The following DYNC1I1 variants were observed in gnomAD, a reference collection of about 807,000 sequenced individuals.
DYNC1I1 encodes cytoplasmic dynein 1 intermediate chain 1.
In DYNC1I1, 43 loss-of-function variants were observed where a neutral mutation model predicts 86.6. The ratio of observed to expected loss-of-function variants is 0.50; its 90% CI spans 0.39 to 0.64. The LOEUF (loss-of-function observed/expected upper bound fraction) is 0.64, where lower values mean the gene tolerates loss of function less well. Ranked by LOEUF, DYNC1I1 falls within the 30% of genes least tolerant of loss-of-function variation. The pLI, the probability that DYNC1I1 is intolerant of heterozygous loss-of-function variation, is 0.00. For missense variants in DYNC1I1, 604 were observed against 788.8 expected, an observed-to-expected ratio of 0.77 and a Z score of 2.81; for synonymous variants, 262 against 283.7, an observed-to-expected ratio of 0.92 and a Z score of 0.77.
rs1310533204 is a variant in DYNC1I1, at chr7:95,883,367, A to G, written c.490+13369A>G. 2.0e-5 allele frequency among the ~76,000 whole-genome samples: 3 copies of G among 152,118 alleles called. No homozygotes were observed. In the East Asian group the frequency reaches 5.8e-4, roughly 29 times the overall value. ...ATCTACTGAGAGACACAGCATTTTA[A>G]ATGAATTTAATTAAAACGGCATGTG... On this transcript the variant is annotated intron_variant, in intron 6 of 16. Transcript: ENST00000447467.
At chr7:95,892,705 C>A (rs1240403268) in intron 6 of DYNC1I1, among the ~76,000 whole-genome samples, 2 of 152,162 alleles carry the variant, frequency 1.3e-5, no homozygotes, top group Non-Finnish European at 2.9e-5. Flanking sequence ...CCTTGGCCTT[C>A]CAAAGTGCTG....
intron 11 of DYNC1I1, among the ~76,000 whole-genome samples, chr7:96,029,926 AGAAAAAGAAAG>A (rs1047432147): frequency 2.0e-5 from 3 of 151,698 alleles, no homozygotes; most frequent in Non-Finnish European, 2.9e-5. Context: ...AAAAAAAGAA[AGAAAAAGAAAG>A]GAAAAAGAAA....
intron 6 of DYNC1I1, among the ~76,000 whole-genome samples, chr7:95,972,329 C>T (rs778551411): frequency 5.9e-5 from 9 of 152,090 alleles, no homozygotes; most frequent in Admixed American, 6.6e-5. Flanking sequence ...GGATGTTGGG[C>T]GTCACTGCTG....
At chr7:95,832,723 T>A (rs1316067968) in intron 5 of DYNC1I1, among the ~76,000 whole-genome samples, 1 of 152,024 alleles carries the variant, frequency 6.6e-6, no homozygotes, top group Non-Finnish European at 1.5e-5. Flanking sequence ...TGGCCAGTGA[T>A]GATGAGCATT....
At chr7:95,925,195 G>A (rs888422719) in intron 6 of DYNC1I1, among the ~76,000 whole-genome samples, 3 of 152,148 alleles carry the variant, frequency 2.0e-5, no homozygotes, top group African/African-American at 7.2e-5. Flanking sequence ...GTGGGGACAA[G>A]ACTTGCCAAT....
At chr7:95,839,623 C>T (rs1789223398) in intron 5 of DYNC1I1, among the ~76,000 whole-genome samples, 1 of 152,112 alleles carries the variant, frequency 6.6e-6, no homozygotes, top group South Asian at 2.1e-4. Context: ...ACAATGTAGT[C>T]TTCTGTTTTT....
intron 4 of DYNC1I1, among the ~76,000 whole-genome samples, chr7:95,823,996 T>G (rs1255262281): frequency 4.6e-5 from 2 of 43,638 alleles, no homozygotes; most frequent in African/African-American, 1.8e-4. Flanking sequence ...GTTTTTTGTT[T>G]TTTTTTTTTT....
intron 14 of DYNC1I1, among the ~76,000 whole-genome samples, chr7:96,042,884 G>T (rs192553377): frequency 6.6e-6 from 1 of 152,042 alleles, no homozygotes; most frequent in Non-Finnish European, 1.5e-5. Context: ...AAAATGGGCC[G>T]GGGACTGTGG....
chr7:95,792,832 G>A (rs1284238166), intron 1 of DYNC1I1, among the ~76,000 whole-genome samples: 1 of 152,042 alleles, frequency 6.6e-6, no homozygotes, highest in East Asian at 1.9e-4. Context: ...ATGAATAGGG[G>A]GCATCAGGTT....
chr7:95,884,547 G>T (rs1790540799), intron 6 of DYNC1I1, among the ~76,000 whole-genome samples: 1 of 152,038 alleles, frequency 6.6e-6, no homozygotes, highest in African/African-American at 2.4e-5. Flanking sequence ...AATAAAGGAA[G>T]GTCATGAGAA....
chr7:95,853,881 T>A (rs1296775994), intron 5 of DYNC1I1, among the ~76,000 whole-genome samples: 1 of 152,216 alleles, frequency 6.6e-6, no homozygotes, highest in African/African-American at 2.4e-5. Flanking sequence ...GTGGAATTGA[T>A]CCCTTTATCC....
chr7:95,960,797 T>G (rs1279015066), intron 6 of DYNC1I1, among the ~76,000 whole-genome samples: 1 of 152,232 alleles, frequency 6.6e-6, no homozygotes, highest in Non-Finnish European at 1.5e-5. Context: ...GCCAAGCCTG[T>G]GGGACCAGAG....
At chr7:95,962,286 C>T (rs970200275) in intron 6 of DYNC1I1, among the ~76,000 whole-genome samples, 1 of 152,190 alleles carries the variant, frequency 6.6e-6, no homozygotes, top group African/African-American at 2.4e-5. Flanking sequence ...CTAGTCTCAA[C>T]AGGTCTAGGA....
chr7:95,870,035 C>T (rs745998715), intron 6 of DYNC1I1, 37 bp downstream of exon 6: 9 of 1,550,076 alleles, frequency 5.8e-6, no homozygotes, highest in Non-Finnish European at 7.9e-6. Flanking sequence ...CATATTATCT[C>T]TGGAGAAATC....
chr7:96,098,376 A>G lies in DYNC1I1; in HGVS notation c.*783A>G, dbSNP rs376323291. The G allele has an allele frequency of 2.9e-5, 29 of 985,498 alleles. No homozygotes were observed. Among genetic ancestry groups the G allele is most frequent in the Non-Finnish European group, 3.1e-5 (26 of 829,948 alleles). The allele number at this position is 985,498 out of a possible 1,614,324, so 61.0% of individuals were successfully genotyped here. ...AGCTAACACAGTCTGACAAAAGTCT[A>G]TGGTTCCTAAATATGACATCAGTGT... On this transcript the variant is annotated 3_prime_UTR_variant, in exon 17 of 17. Coordinates refer to ENST00000447467, the MANE Select transcript of DYNC1I1 (RefSeq NM_001135556.2).
At chr7:95,948,167 G>T (rs772788534) in intron 6 of DYNC1I1, among the ~76,000 whole-genome samples, 11 of 152,110 alleles carry the variant, frequency 7.2e-5, no homozygotes, top group Non-Finnish European at 1.3e-4. Flanking sequence ...GAAGTGTTTC[G>T]AGGGCGTTGG....
intron 6 of DYNC1I1, among the ~76,000 whole-genome samples, chr7:95,910,095 A>C (rs1351679948): frequency 6.6e-6 from 1 of 152,136 alleles, no homozygotes; most frequent in Non-Finnish European, 1.5e-5. Flanking sequence ...GGGATGCTGT[A>C]AGGATGAAGG....
intron 1 of DYNC1I1, among the ~76,000 whole-genome samples, chr7:95,800,789 C>T (rs1178705314): frequency 1.3e-5 from 2 of 152,184 alleles, no homozygotes; most frequent in Non-Finnish European, 1.5e-5. Flanking sequence ...CAGCAGGTAG[C>T]TTTGACTCTT....
chr7:96,010,267 A>G (rs1794244532), intron 10 of DYNC1I1, among the ~76,000 whole-genome samples: 1 of 152,108 alleles, frequency 6.6e-6, no homozygotes, highest in African/African-American at 2.4e-5. Context: ...TTGTCACCTG[A>G]CTTAAGGTGG....
Sources: gnomAD v4.1 joint callset for allele counts (sites outside exome capture counted in the v4.1 genomes callset) on GRCh38, gnomAD v4.1.1 for gene constraint, MANE v1.5 for transcripts, NCBI Gene and HGNC (gene_info 2026-07-23, HGNC 2026-07-21) for gene names.